The following KSR2 variants were observed in gnomAD, a reference collection of about 807,000 sequenced individuals.
KSR2 encodes kinase suppressor of ras 2.
A neutral mutation model predicts 107.8 loss-of-function variants in KSR2; 25 were observed. The observed-to-expected ratio is 0.23, with a 90% confidence interval of 0.17 to 0.32. The LOEUF is 0.32. KSR2 is among the 10% of genes least tolerant of loss of function. The pLI, the probability that KSR2 is intolerant of heterozygous loss-of-function variation, is 1.00. For synonymous variants in KSR2, 480 were observed against 507.0 expected, an observed-to-expected ratio of 0.95 and a Z score of 0.71; for missense variants, 887 against 1,268.9, an observed-to-expected ratio of 0.70 and a Z score of 4.57.
intron 3 of KSR2, among the ~76,000 whole-genome samples, chr12:117,798,010 G>T (rs554637685): frequency 2.0e-5 from 3 of 152,144 alleles, no homozygotes; most frequent in Non-Finnish European, 4.4e-5. Context: ...TGCCTTGACC[G>T]GAAAGTGTGA....
chr12:117,674,879 C>T (rs949538447), intron 4 of KSR2, among the ~76,000 whole-genome samples: 1 of 152,158 alleles, frequency 6.6e-6, no homozygotes, highest in Non-Finnish European at 1.5e-5. Flanking sequence ...CCACACCTAC[C>T]CTCCAACTTC....
intron 3 of KSR2, among the ~76,000 whole-genome samples, chr12:117,798,109 T>G (rs999602934): frequency 2.6e-5 from 4 of 152,208 alleles, no homozygotes; most frequent in Non-Finnish European, 5.9e-5. Flanking sequence ...TCTTCTCACC[T>G]TTGAAGCATC....
rs577739549 is a variant in KSR2 at position 117,829,085 on chromosome 12, C to T, written c.472+26343G>A. Among the ~76,000 whole-genome samples, 11 of 152,280 alleles carry T rather than the reference C, an allele frequency of 7.2e-5. 1 individual carries two copies. The South Asian group carries it at 1.2e-3, about 17-fold the overall frequency. ...TTAAGTTGCTCCTTGAAGCTAATCA[C>T]CATGGAAGATGAAGACATAAGAGTC... On this transcript the variant is annotated intron_variant, in intron 3 of 19. Transcript: ENST00000339824.
intron 14 of KSR2, among the ~76,000 whole-genome samples, chr12:117,488,877 G>C (rs1872605185): frequency 6.6e-6 from 1 of 151,978 alleles, no homozygotes; most frequent in Non-Finnish European, 1.5e-5. Context: ...TCAGTCTGCA[G>C]TACCGTGTCA....
chr12:117,544,657 A>T (rs114738548), intron 9 of KSR2, among the ~76,000 whole-genome samples: 159 of 152,074 alleles, frequency 1.0e-3, no homozygotes, highest in African/African-American at 3.7e-3. Flanking sequence ...ATTTGTATTG[A>T]TTGTGTATTC....
chr12:117,711,538 G>T (rs188486443), intron 4 of KSR2, among the ~76,000 whole-genome samples: 64 of 152,356 alleles, frequency 4.2e-4, no homozygotes, highest in African/African-American at 1.5e-3. Context: ...CACACCCAAG[G>T]TAGATGGAGT....
At chr12:117,607,999 G>T (rs1330757423) in intron 5 of KSR2, among the ~76,000 whole-genome samples, 1 of 152,190 alleles carries the variant, frequency 6.6e-6, no homozygotes, top group Non-Finnish European at 1.5e-5. Flanking sequence ...CCCACATGGG[G>T]TCAACTCAGC....
chr12:117,717,689 GT>G (rs2136676439), intron 4 of KSR2, among the ~76,000 whole-genome samples: 1 of 145,770 alleles, frequency 6.9e-6, no homozygotes, highest in South Asian at 2.1e-4. Context: ...GTGTGTGTGT[GT>G]GTGTGTGTGT....
At chr12:117,878,591 C>T (rs1424890060) in intron 1 of KSR2, among the ~76,000 whole-genome samples, 1 of 152,100 alleles carries the variant, frequency 6.6e-6, no homozygotes, top group Non-Finnish European at 1.5e-5. Context: ...GCTGGGGGTA[C>T]TGAGAGCAGG....
At chr12:117,770,616 A>G (rs1026569658) in intron 3 of KSR2, among the ~76,000 whole-genome samples, 2 of 151,966 alleles carry the variant, frequency 1.3e-5, no homozygotes, top group Non-Finnish European at 2.9e-5. Flanking sequence ...GAGTGCAGCC[A>G]CCAGATTCTG....
intron 4 of KSR2, among the ~76,000 whole-genome samples, chr12:117,739,581 A>G (rs1485011998): frequency 6.6e-6 from 1 of 152,196 alleles, no homozygotes; most frequent in East Asian, 1.9e-4. Flanking sequence ...ACAGCATCAT[A>G]AATGCATTAT....
intron 5 of KSR2, among the ~76,000 whole-genome samples, chr12:117,633,445 T>C (rs1333869512): frequency 6.6e-6 from 1 of 152,200 alleles, no homozygotes; most frequent in Non-Finnish European, 1.5e-5. Flanking sequence ...AGAACTACTA[T>C]AACAGAAAAT....
At chr12:117,821,595 G>C (rs562294549) in intron 3 of KSR2, among the ~76,000 whole-genome samples, 1 of 152,322 alleles carries the variant, frequency 6.6e-6, no homozygotes, top group South Asian at 2.1e-4. Flanking sequence ...GAAATCAAAG[G>C]TTATATGTGG....
intron 4 of KSR2, among the ~76,000 whole-genome samples, chr12:117,711,681 CTT>C (rs1276266329): frequency 6.6e-6 from 1 of 152,212 alleles, no homozygotes; most frequent in Admixed American, 6.5e-5. Context: ...ACTCTGAGGA[CTT>C]TGGCTATACT....
chr12:117,654,454 G>A (rs946691662), intron 5 of KSR2, among the ~76,000 whole-genome samples: 4 of 152,160 alleles, frequency 2.6e-5, no homozygotes, highest in Non-Finnish European at 4.4e-5. Context: ...TGCACAATAC[G>A]CGGGCACCAC....
intron 19 of KSR2, 90 bp downstream of exon 19, chr12:117,469,572 G>A: frequency 2.1e-6 from 3 of 1,451,212 alleles, no homozygotes; most frequent in Non-Finnish European, 1.9e-6. Flanking sequence ...CTTGTTGGGG[G>A]AGGAGTAAAA....
chr12:117,916,119 GTT>G (rs1356288853), intron 1 of KSR2, among the ~76,000 whole-genome samples: 1 of 138,190 alleles, frequency 7.2e-6, no homozygotes, highest in Non-Finnish European at 1.6e-5. Context: ...TAAATTTTGA[GTT>G]TTTATTTCTT....
intron 3 of KSR2, among the ~76,000 whole-genome samples, chr12:117,810,286 G>A (rs946524758): frequency 3.9e-5 from 6 of 152,058 alleles, no homozygotes; most frequent in African/African-American, 1.2e-4. Flanking sequence ...AGTTTAATAC[G>A]AAAATAAATC....
intron 4 of KSR2, among the ~76,000 whole-genome samples, chr12:117,717,550 G>T (rs572547716): frequency 6.6e-6 from 1 of 151,974 alleles, no homozygotes; most frequent in Non-Finnish European, 1.5e-5. Context: ...AAAAAAGAGG[G>T]CCCTATATGA....
Sources: gnomAD v4.1 joint callset for allele counts (sites outside exome capture counted in the v4.1 genomes callset) on GRCh38, gnomAD v4.1.1 for gene constraint, MANE v1.5 for transcripts, NCBI Gene and HGNC (gene_info 2026-07-23, HGNC 2026-07-21) for gene names.